The following FHIT variants were observed in gnomAD, a reference collection of about 807,000 sequenced individuals.
The protein encoded by FHIT is bis(5'-adenosyl)-triphosphatase.
Under a neutral mutation model 17.9 loss-of-function variants are expected in FHIT, and 19 were observed. The ratio of observed to expected loss-of-function variants is 1.06; its 90% CI spans 0.74 to 1.56. The LOEUF (loss-of-function observed/expected upper bound fraction) is 1.56, where lower values mean the gene tolerates loss of function less well. FHIT is among the 40% of genes most tolerant of loss of function. The probability of loss-of-function intolerance (pLI) is 0.00; values close to 1 mark genes in which losing one functional copy is unlikely to be tolerated. For synonymous variants in FHIT, 81 were observed against 69.7 expected (o/e 1.16, Z -0.81); for missense variants, 248 against 189.2 (o/e 1.31, Z -1.82).
At chr3:61,124,079 G>C (rs1214507407) in intron 2 of FHIT, among the ~76,000 whole-genome samples, 1 of 152,116 alleles carries the variant, frequency 6.6e-6, no homozygotes, top group African/African-American at 2.4e-5. Context: ...CCACTGAAGA[G>C]AAAGAATTGT....
chr3:61,113,728 T>C (rs1200527318), intron 2 of FHIT, among the ~76,000 whole-genome samples: 2 of 152,180 alleles, frequency 1.3e-5, no homozygotes, highest in Non-Finnish European at 2.9e-5. Context: ...TTGCCCCCAT[T>C]GTAACCCCAG....
intron 3 of FHIT, among the ~76,000 whole-genome samples, chr3:60,877,596 G>C (rs992486220): frequency 1.3e-5 from 2 of 152,190 alleles, no homozygotes; most frequent in African/African-American, 2.4e-5. Flanking sequence ...GGGCCACACA[G>C]AACAGTCATG....
chr3:60,659,362 C>A (rs537586391), intron 4 of FHIT, among the ~76,000 whole-genome samples: 3 of 152,038 alleles, frequency 2.0e-5, no homozygotes, highest in South Asian at 2.1e-4. Flanking sequence ...TCCAAATAAT[C>A]TCTCTATTCT....
chr3:60,740,672 T>A (rs2042222674), intron 4 of FHIT, among the ~76,000 whole-genome samples: 1 of 152,180 alleles, frequency 6.6e-6, no homozygotes, highest in Admixed American at 6.5e-5. Flanking sequence ...TTTTCCCCAG[T>A]TGAAATTTCC....
At chr3:59,871,514 G>A (rs999813190) in intron 8 of FHIT, among the ~76,000 whole-genome samples, 2 of 151,942 alleles carry the variant, frequency 1.3e-5, no homozygotes, top group Admixed American at 6.6e-5. Flanking sequence ...GAGGATAATG[G>A]GGCTTAGAGT....
chr3:60,499,039 G>T (rs1415938228), intron 5 of FHIT, among the ~76,000 whole-genome samples: 4 of 98,540 alleles, frequency 4.1e-5, no homozygotes, highest in Non-Finnish European at 5.8e-5. Context: ...GTGAACTATA[G>T]TTCCTATAAA....
chr3:60,930,380 A>G (rs1255698025), intron 3 of FHIT, among the ~76,000 whole-genome samples: 1 of 152,174 alleles, frequency 6.6e-6, no homozygotes, highest in South Asian at 2.1e-4. Flanking sequence ...TCTAATTAAA[A>G]TAAAGAGCTT....
At chr3:60,796,709 A>G (rs1392435638) in intron 4 of FHIT, among the ~76,000 whole-genome samples, 2 of 152,080 alleles carry the variant, frequency 1.3e-5, no homozygotes, top group African/African-American at 2.4e-5. Flanking sequence ...AGCCTCCTTC[A>G]TAGCTGAGAT....
At chr3:60,744,246 T>G (rs1234197123) in intron 4 of FHIT, among the ~76,000 whole-genome samples, 1 of 30,918 alleles carries the variant, frequency 3.2e-5, no homozygotes, top group Non-Finnish European at 5.3e-5. Flanking sequence ...GGAAGTAATG[T>G]AAAAAAAAAA....
chr3:60,814,931 C>G (rs1701687898), intron 4 of FHIT, among the ~76,000 whole-genome samples: 1 of 149,514 alleles, frequency 6.7e-6, no homozygotes, highest in African/African-American at 2.5e-5. Context: ...TTTACTTTAG[C>G]CATTCTGACT....
At chr3:60,175,351 C>T (rs945636202) in intron 5 of FHIT, among the ~76,000 whole-genome samples, 7 of 152,074 alleles carry the variant, frequency 4.6e-5, no homozygotes, top group African/African-American at 1.7e-4. Context: ...AGGGTGAACC[C>T]CCTGCTATTA....
At chr3:61,045,992 G>A (rs2033767004) in intron 2 of FHIT, among the ~76,000 whole-genome samples, 1 of 152,084 alleles carries the variant, frequency 6.6e-6, no homozygotes, top group Admixed American at 6.5e-5. Context: ...TCAAAGTAGT[G>A]TGTAGAGGGA....
chr3:60,692,543 T>G (rs1313150288), intron 4 of FHIT, among the ~76,000 whole-genome samples: 1 of 151,970 alleles, frequency 6.6e-6, no homozygotes, highest in Non-Finnish European at 1.5e-5. Context: ...ATATTGAAGA[T>G]GAAAGGGGGC....
At chr3:60,378,518 G>C (rs1266180054) in intron 5 of FHIT, among the ~76,000 whole-genome samples, 3 of 151,976 alleles carry the variant, frequency 2.0e-5, no homozygotes, top group South Asian at 2.1e-4. Context: ...ATCATTTGGA[G>C]GTTGAAATAC....
At chr3:60,503,415 T>C (rs1157202650) in intron 5 of FHIT, among the ~76,000 whole-genome samples, 3 of 152,174 alleles carry the variant, frequency 2.0e-5, no homozygotes, top group Non-Finnish European at 4.4e-5. Flanking sequence ...ATGTACCTTA[T>C]CCAAGAAGGC....
intron 7 of FHIT, among the ~76,000 whole-genome samples, chr3:59,986,879 T>C (rs1708994716): frequency 1.8e-5 from 2 of 110,788 alleles, no homozygotes; most frequent in South Asian, 5.2e-4. Flanking sequence ...TATTTCATAT[T>C]TTTATATATT....
intron 5 of FHIT, among the ~76,000 whole-genome samples, chr3:60,128,808 A>G (rs573494205): frequency 1.1e-4 from 16 of 152,294 alleles, no homozygotes; most frequent in African/African-American, 3.8e-4. Context: ...GTGAACAGAT[A>G]AGGCTGTGAC....
intron 8 of FHIT, among the ~76,000 whole-genome samples, chr3:59,818,202 A>T (rs1363049681): frequency 6.6e-6 from 1 of 152,130 alleles, no homozygotes; most frequent in Non-Finnish European, 1.5e-5. Context: ...GCCCTACTCT[A>T]AGTACCCGGA....
At position 59,752,307 on chromosome 3, in the gene FHIT, G is replaced by GTCATGTTTCTGGAGCTTTGGAGAAA. The variant is rs1700958250; in HGVS notation, c.349-11_362dup (p.Lys122PhefsTer8). 6.2e-7 allele frequency: 1 copy of GTCATGTTTCTGGAGCTTTGGAGAAA among 1,611,472 alleles called. No individual in the cohort carries two copies. Among genetic ancestry groups the GTCATGTTTCTGGAGCTTTGGAGAAA allele is most frequent in the African/African-American group, 1.3e-5 (1 of 74,714 alleles). On this transcript the variant is annotated stop_gained and frameshift_variant, in exon 9 of 10. Transcript: ENST00000492590. LOFTEE classifies it high-confidence loss of function. ...TCCAAGAGGCAGGAAAGTCCTCCTT[G>GTCATGTTTCTGGAGCTTTGGAGAAA]TCATGTTTCTGGAGCTTTGGAGAAA...
Sources: gnomAD v4.1 joint callset for allele counts (sites outside exome capture counted in the v4.1 genomes callset) on GRCh38, gnomAD v4.1.1 for gene constraint, MANE v1.5 for transcripts, NCBI Gene and HGNC (gene_info 2026-07-23, HGNC 2026-07-21) for gene names.